DNAH11: variants seen among roughly 807,000 people sequenced by gnomAD.
DNAH11 encodes dynein axonemal heavy chain 11.
A neutral mutation model predicts 526.0 loss-of-function variants in DNAH11; 442 were observed. The ratio of observed to expected loss-of-function variants is 0.84; its 90% CI spans 0.78 to 0.91. The LOEUF (loss-of-function observed/expected upper bound fraction) is 0.91. Ranked by LOEUF, DNAH11 falls within the 40% of genes least tolerant of loss-of-function variation. The pLI is 0.00. For synonymous variants in DNAH11, 2,461 were observed against 1,935.9 expected, an observed-to-expected ratio of 1.27 and a Z score of -7.12; for missense variants, 6,989 against 5,448.7, an observed-to-expected ratio of 1.28 and a Z score of -8.90.
chr7:21,597,653 C>CG (rs1040382496), intron 14 of DNAH11, among the ~76,000 whole-genome samples: 4 of 152,010 alleles, frequency 2.6e-5, no homozygotes, highest in African/African-American at 9.7e-5. Flanking sequence ...GAACAGCAAG[C>CG]GGGGGGTTGG....
At chr7:21,769,849 G>A (rs10216175) in intron 55 of DNAH11, among the ~76,000 whole-genome samples, 1 of 152,048 alleles carries the variant, frequency 6.6e-6, no homozygotes, top group Non-Finnish European at 1.5e-5. Flanking sequence ...CTTTCTGGCA[G>A]AGAACCATTG....
intron 42 of DNAH11, among the ~76,000 whole-genome samples, chr7:21,715,853 AT>A (rs1377896290): frequency 1.5e-4 from 18 of 117,670 alleles, no homozygotes; most frequent in African/African-American, 6.9e-4. Flanking sequence ...AATTTATCTG[AT>A]TTCCCCCTCC....
At position 21,591,201 on chromosome 7, in the gene DNAH11, A is replaced by T. The variant is rs1784665790; in HGVS notation, c.2291A>T (p.Asp764Val). Residue 764 changes from aspartate (D) to valine (V), a missense_variant, in exon 14 of 82, where the codon GAC becomes GTC. Physicochemically the swap from Asp to Val is radical, Grantham distance 152 (BLOSUM62 -3). Transcript: ENST00000409508. ...NTILKYIGNL[D>V]LLVQGYNKLK... is the part of the protein sequence containing the mutation. ...TTTGCTCAGTACATTGGAAATCTTGACCTTCTTGTGCAAGGGTATAATAAA... is the reference window on the plus strand; with the variant it reads ...TTTGCTCAGTACATTGGAAATCTTGTCCTTCTTGTGCAAGGGTATAATAAA... 13 of 1,546,606 alleles carry T rather than the reference A, an allele frequency of 8.4e-6. No homozygotes were observed. The highest frequency in any genetic ancestry group is 2.3e-5 in the East Asian group (1 of 44,404).
rs760138047 is a variant in DNAH11, at chr7:21,588,509, C to T, written c.1849-3C>T. ...TCCTCTTCACCAAAATATCAACTTG[C>T]AGATTGAATGTGGTCATGTAGTTCT... On this transcript the variant is annotated splice_polypyrimidine_tract_variant and splice_region_variant and intron_variant, in intron 10 of 81. Coordinates refer to ENST00000409508, the MANE Select transcript of DNAH11 (RefSeq NM_001277115.2). The T allele has an allele frequency of 6.2e-7, 1 of 1,612,900 alleles. No individual in the cohort carries two copies. Among genetic ancestry groups the T allele is most frequent in the East Asian group, 2.2e-5 (1 of 44,850 alleles).
chr7:21,796,759 A>C (rs560332762), intron 61 of DNAH11, among the ~76,000 whole-genome samples: 1 of 152,234 alleles, frequency 6.6e-6, no homozygotes, highest in Non-Finnish European at 1.5e-5. Flanking sequence ...TGCCTCATGG[A>C]CTCTCTAATT....
Position 21,588,121 on chromosome 7 carries a change from C to A in DNAH11, c.1768C>A (p.Leu590Ile). Residue 590 changes from leucine to isoleucine, a missense_variant, in exon 10 of 82, where the codon CTA (leucine) becomes ATA (isoleucine). Coordinates refer to ENST00000409508, the MANE Select transcript of DNAH11 (RefSeq NM_001277115.2). Reference sequence around the variant, plus strand: ...GCCAGTTGTCATGGAAATTTTCAGCCTACATTACAGCACACTAGTGCATAT... The same window carrying A: ...GCCAGTTGTCATGGAAATTTTCAGCATACATTACAGCACACTAGTGCATAT... ...EKPVVMEIFS[L>I]HYSTLVHMFN... 5 of 1,613,370 alleles carry A rather than the reference C, an allele frequency of 3.1e-6. No homozygotes were observed. Among genetic ancestry groups the A allele is most frequent in the Non-Finnish European group, 4.2e-6 (5 of 1,179,648 alleles).
At chr7:21,830,458 A>G (rs973333847) in intron 65 of DNAH11, among the ~76,000 whole-genome samples, 6 of 152,202 alleles carry the variant, frequency 3.9e-5, no homozygotes, top group South Asian at 2.1e-4. Flanking sequence ...GTGGCAGTCA[A>G]TTGTTACTGA....
At position 21,543,119 on chromosome 7, in the gene DNAH11, A is replaced by G. The variant is rs1782648181; in HGVS notation, c.-127A>G. On this transcript the variant is annotated 5_prime_UTR_variant, in exon 1 of 82. Coordinates refer to ENST00000409508, the MANE Select transcript of DNAH11 (RefSeq NM_001277115.2). ...GCTAAGTAGCAGCAGGTGGGAGACTAGGGTCTGCGCTCGCGGCGACCGCGG... is the reference window on the plus strand; with the variant it reads ...GCTAAGTAGCAGCAGGTGGGAGACTGGGGTCTGCGCTCGCGGCGACCGCGG... 2 of 1,429,684 alleles carry G rather than the reference A, an allele frequency of 1.4e-6. No individual in the cohort carries two copies. Among genetic ancestry groups the G allele is most frequent in the Non-Finnish European group, 1.8e-6 (2 of 1,099,192 alleles). 88.6% of individuals were successfully genotyped at this position (1,429,684 alleles called of 1,614,324 possible).
chr7:21,633,326 A>G lies in DNAH11; in HGVS notation c.4501-2545A>G, dbSNP rs114518438. ...TAGTCTGTCGATGTCCATTAGGTCT[A>G]TTTGGTCTAAGGTGTTCAAGTCCAC... On this transcript the variant is annotated intron_variant, in intron 25 of 81. Transcript: ENST00000409508. Among the ~76,000 whole-genome samples, 649 of 152,240 alleles carry G rather than the reference A, an allele frequency of 4.3e-3. 6 individuals carry two copies. Among genetic ancestry groups the G allele is most frequent in the African/African-American group, 0.015 (613 of 41,530 alleles).
chr7:21,838,669 A>T (rs1782086946), intron 65 of DNAH11, among the ~76,000 whole-genome samples: 1 of 152,078 alleles, frequency 6.6e-6, no homozygotes, highest in Admixed American at 6.6e-5. Context: ...TCGGTGCAAA[A>T]GTAATTGTGG....
intron 61 of DNAH11, among the ~76,000 whole-genome samples, chr7:21,797,424 G>T (rs1443492330): frequency 6.6e-6 from 1 of 151,604 alleles, no homozygotes; most frequent in Admixed American, 6.6e-5. Context: ...TCTCTATGTT[G>T]GTCAGGCTGG....
intron 1 of DNAH11, 34 bp downstream of exon 1, chr7:21,543,630 C>T: frequency 6.4e-7 from 1 of 1,553,702 alleles, no homozygotes; most frequent in Non-Finnish European, 8.7e-7. Flanking sequence ...CCTGCCCATC[C>T]AACAAAACTA....
Position 21,707,804 on chromosome 7 carries a change from C to A in DNAH11, c.6652C>A (p.His2218Asn), listed in dbSNP as rs757932794. The A allele has an allele frequency of 5.0e-6, 8 of 1,607,416 alleles. No homozygotes were observed. The highest frequency in any genetic ancestry group is 6.8e-6 in the Non-Finnish European group (8 of 1,177,668). The change falls in exon 40 of 82, where the codon CAT becomes AAT. Residue 2218 changes from histidine to asparagine, a missense_variant. Coordinates refer to ENST00000409508, the MANE Select transcript of DNAH11 (RefSeq NM_001277115.2). Reference protein sequence around the residue: ...VTTDELFGFIHHATREWKDGK... With the variant: ...VTTDELFGFINHATREWKDGK... ...AACAGATGAACTCTTTGGTTTCATA[C>A]ATCATGCTACCCGAGAATGGAAAGA...
At chr7:21,623,104 A>G (rs1298162076) in intron 25 of DNAH11, among the ~76,000 whole-genome samples, 1 of 151,866 alleles carries the variant, frequency 6.6e-6, no homozygotes, top group Non-Finnish European at 1.5e-5. Context: ...TCTACAATGA[A>G]CTCAAACAAA....
intron 37 of DNAH11, 33 bp downstream of exon 37, chr7:21,702,835 A>T (rs757561584): frequency 6.3e-7 from 1 of 1,575,460 alleles, no homozygotes; most frequent in Non-Finnish European, 8.7e-7. Context: ...TTGTTGAGTG[A>T]GTAGCTGGCC....
At position 21,861,979 on chromosome 7, in the gene DNAH11, T is replaced by G; in HGVS notation, c.11329T>G (p.Phe3777Val). The G allele has an allele frequency of 1.2e-6, 2 of 1,613,660 alleles. No homozygotes were observed. The highest frequency in any genetic ancestry group is 2.2e-5 in the South Asian group (2 of 90,994). Residue 3777 changes from phenylalanine (F) to valine (V), a missense_variant, in exon 69 of 82, where the codon TTT becomes GTT. Physicochemically the swap from Phe to Val is conservative, Grantham distance 50. Transcript: ENST00000409508. ...AVFLYTSQAL[F>V]EKDKLTFLSQ... Reference sequence around the variant, plus strand: ...CTTCCTCTACACCAGCCAGGCGCTGTTTGAGAAGGACAAGCTCACCTTCCT... The same window carrying G: ...CTTCCTCTACACCAGCCAGGCGCTGGTTGAGAAGGACAAGCTCACCTTCCT...
At chr7:21,698,364 T>A (rs544914009) in intron 36 of DNAH11, among the ~76,000 whole-genome samples, 151 bp downstream of exon 36, 3 of 152,256 alleles carry the variant, frequency 2.0e-5, no homozygotes, top group African/African-American at 7.2e-5. Flanking sequence ...GGAACAGGTG[T>A]TTTTTGGTTA....
intron 74 of DNAH11, among the ~76,000 whole-genome samples, chr7:21,876,497 T>C (rs532343363): frequency 6.6e-6 from 1 of 152,362 alleles, no homozygotes; most frequent in African/African-American, 2.4e-5. Context: ...TTTTATCAGT[T>C]AGAATGTTGG....
At chr7:21,807,758 C>T in intron 62 of DNAH11, 125 bp from the exon 63 acceptor site, 3 of 800,634 alleles carry the variant, frequency 3.7e-6, no homozygotes, top group Non-Finnish European at 5.6e-6. Flanking sequence ...CAACCCGTTA[C>T]ACTCTGTTCC....
Sources: gnomAD v4.1 joint callset for allele counts (sites outside exome capture counted in the v4.1 genomes callset) on GRCh38, gnomAD v4.1.1 for gene constraint, MANE v1.5 for transcripts, NCBI Gene and HGNC (gene_info 2026-07-23, HGNC 2026-07-21) for gene names.